Variants in OR51B5 observed in about 807,000 individuals in gnomAD.
OR51B5 encodes olfactory receptor 51B5.
For synonymous variants in OR51B5, 186 were observed against 144.8 expected, an observed-to-expected ratio of 1.28 and a Z score of -2.04; for missense variants, 456 against 374.6, an observed-to-expected ratio of 1.22 and a Z score of -1.79.
chr11:5,491,315 A>G (rs1465491417), intron 1 of OR51B5, among the ~76,000 whole-genome samples: 1 of 152,244 alleles, frequency 6.6e-6, no homozygotes, highest in Non-Finnish European at 1.5e-5. Flanking sequence ...TACAAGAAAA[A>G]GTATCACAAG....
chr11:5,356,246 G>T (rs1206822486), intron 1 of OR51B5, among the ~76,000 whole-genome samples: 1 of 152,112 alleles, frequency 6.6e-6, no homozygotes, highest in African/African-American at 2.4e-5. Flanking sequence ...TAGACTAATG[G>T]CTAACTAGAA....
chr11:5,495,066 T>C (rs2133817411), intron 1 of OR51B5, among the ~76,000 whole-genome samples: 1 of 152,242 alleles, frequency 6.6e-6, no homozygotes, highest in East Asian at 1.9e-4. Flanking sequence ...AACACCAATT[T>C]TGCCAACTAC....
intron 1 of OR51B5, chr11:5,403,241 G>C: frequency 2.1e-6 from 1 of 471,478 alleles, no homozygotes; most frequent in Non-Finnish European, 4.4e-6. Flanking sequence ...ATTCGTTGCT[G>C]ATTGTGATCT....
intron 1 of OR51B5, among the ~76,000 whole-genome samples, chr11:5,450,847 G>A (rs1217552243): frequency 1.3e-5 from 2 of 152,114 alleles, no homozygotes; most frequent in East Asian, 3.9e-4. Flanking sequence ...GTGTTAATTT[G>A]CTGAGGATGA....
chr11:5,403,591 C>T (rs1235160956), intron 1 of OR51B5: 1 of 447,274 alleles, frequency 2.2e-6, no homozygotes, highest in Admixed American at 2.4e-5. Context: ...TGTTTGCTTG[C>T]TCTCTATAAT....
intron 1 of OR51B5, chr11:5,385,403 G>A (rs1435854170): frequency 1.3e-5 from 2 of 152,178 alleles, no homozygotes; most frequent in Non-Finnish European, 2.9e-5. Flanking sequence ...TCACTCTGAA[G>A]TTGGTGAACA....
chr11:5,370,828 T>C (rs139944663), intron 1 of OR51B5, among the ~76,000 whole-genome samples: 1,768 of 152,266 alleles, frequency 0.012, 18 homozygotes, highest in Non-Finnish European at 0.016. Flanking sequence ...ATAACAAAAT[T>C]TATGTAAGCT....
intron 1 of OR51B5, among the ~76,000 whole-genome samples, chr11:5,366,580 G>A (rs1294332493): frequency 1.3e-5 from 2 of 151,752 alleles, no homozygotes; most frequent in African/African-American, 4.8e-5. Context: ...TTGCACTCCA[G>A]CAGCCTGGAA....
chr11:5,472,038 T>C (rs1851237240), intron 1 of OR51B5, among the ~76,000 whole-genome samples: 1 of 152,166 alleles, frequency 6.6e-6, no homozygotes, highest in African/African-American at 2.4e-5. Context: ...TGTTTCACCA[T>C]TTTATCCACC....
At position 5,366,444 on chromosome 11, in the gene OR51B5, TA is replaced by T. The variant is rs1849368827; in HGVS notation, n.85-19535del. Among the ~76,000 whole-genome samples the T allele has an allele frequency of 2.6e-5, 4 of 151,902 alleles. No individual in the cohort carries two copies. The South Asian group carries it at 6.2e-4, about 24-fold the overall frequency. On this transcript the variant is annotated intron_variant and non_coding_transcript_variant, in intron 1 of 4. Transcript: ENST00000415970. ...CAACATGGTGAAACCCTGTCTCTAA[TA>T]AAAATACAAAAAAATTAGCAGGGCC...
chr11:5,395,044 G>A (rs1849846105), intron 1 of OR51B5, among the ~76,000 whole-genome samples: 2 of 152,296 alleles, frequency 1.3e-5, no homozygotes, highest in South Asian at 4.2e-4. Context: ...GACAGTCAAG[G>A]ATCCTCTGGC....
intron 1 of OR51B5, chr11:5,431,353 G>A: frequency 1.0e-5 from 3 of 295,142 alleles, no homozygotes; most frequent in South Asian, 6.8e-5. Context: ...AAGAATGCCT[G>A]TAACAGTAGC....
chr11:5,420,328 T>C (rs1028702683), intron 1 of OR51B5, among the ~76,000 whole-genome samples: 5 of 152,102 alleles, frequency 3.3e-5, no homozygotes, highest in African/African-American at 7.2e-5. Context: ...CTCTGTTATT[T>C]TGAAAGTTTA....
At chr11:5,378,277 G>C (rs1049623308) in intron 1 of OR51B5, among the ~76,000 whole-genome samples, 1 of 152,046 alleles carries the variant, frequency 6.6e-6, no homozygotes, top group African/African-American at 2.4e-5. Context: ...GCTGAAACTG[G>C]ATCCCTTCCT....
At chr11:5,479,845 C>T (rs1851386544) in intron 1 of OR51B5, among the ~76,000 whole-genome samples, 1 of 142,560 alleles carries the variant, frequency 7.0e-6, no homozygotes, top group African/African-American at 2.6e-5. Context: ...AATACAGGAG[C>T]ACCCAGATTC....
intron 1 of OR51B5, chr11:5,505,215 T>TGGAA (rs1360245655): frequency 2.1e-6 from 2 of 950,192 alleles, no homozygotes; most frequent in Non-Finnish European, 2.8e-6. Context: ...TTGGCTCAAA[T>TGGAA]GGAAGGCAGA....
intron 1 of OR51B5, among the ~76,000 whole-genome samples, chr11:5,379,251 A>G (rs1346913362): frequency 6.6e-6 from 1 of 152,074 alleles, no homozygotes; most frequent in East Asian, 1.9e-4. Context: ...CATAGATGGG[A>G]ACTGAACAAT....
At chr11:5,352,021 C>T (rs5006884) in intron 1 of OR51B5, 408,664 of 1,603,842 alleles carry the variant, frequency 0.25, 54,593 homozygotes, top group African/African-American at 0.31. Context: ...ATCCCATGTA[C>T]TCTCCCATGC....
At chr11:5,404,170 G>C (rs1360931777) in intron 1 of OR51B5, among the ~76,000 whole-genome samples, 1 of 143,688 alleles carries the variant, frequency 7.0e-6, no homozygotes, top group Non-Finnish European at 1.5e-5. Flanking sequence ...GGGATGGGGC[G>C]GGGAGGGCGG....
Sources: gnomAD v4.1 joint callset for allele counts (sites outside exome capture counted in the v4.1 genomes callset) on GRCh38, gnomAD v4.1.1 for gene constraint, MANE v1.5 for transcripts, NCBI Gene and HGNC (gene_info 2026-07-23, HGNC 2026-07-21) for gene names.